Variants in TMTC2 observed in about 807,000 individuals in gnomAD.
The protein encoded by TMTC2 is protein O-mannosyl-transferase TMTC2.
In TMTC2, 43 loss-of-function variants were observed where a neutral mutation model predicts 82.4. The ratio of observed to expected loss-of-function variants is 0.52; its 90% confidence interval spans 0.41 to 0.67. The LOEUF is 0.67. Among genes scored for constraint, TMTC2 ranks in the 30% least tolerant of loss-of-function variants. TMTC2 has a pLI of 0.00. For synonymous variants in TMTC2, 408 were observed against 381.9 expected (o/e 1.07, Z -0.80); for missense variants, 919 against 1,012.4 (o/e 0.91, Z 1.25).
intron 7 of TMTC2, among the ~76,000 whole-genome samples, chr12:82,974,101 G>T (rs1878563224): frequency 6.6e-6 from 1 of 152,148 alleles, no homozygotes. Flanking sequence ...GGGCACAGTG[G>T]CTCATGCCTG....
intron 4 of TMTC2, among the ~76,000 whole-genome samples, chr12:82,940,014 C>CTTTTTTTTTTTTT (rs71309537): frequency 2.2e-5 from 2 of 91,264 alleles, no homozygotes; most frequent in Non-Finnish European, 4.3e-5. Context: ...TCTTTCTTTA[C>CTTTTTTTTTTTTT]TTTTTTTTTT....
chr12:82,822,996 A>T (rs1048567416), intron 1 of TMTC2, among the ~76,000 whole-genome samples: 3 of 152,202 alleles, frequency 2.0e-5, no homozygotes, highest in African/African-American at 7.2e-5. Context: ...GAGGGCATTT[A>T]AAAAAGCTTC....
chr12:82,913,107 ATAAAT>A (rs1415222958), intron 3 of TMTC2, among the ~76,000 whole-genome samples: 2 of 152,208 alleles, frequency 1.3e-5, no homozygotes, highest in Non-Finnish European at 2.9e-5. Flanking sequence ...AATCACAGTG[ATAAAT>A]TTAAAATTAC....
At chr12:82,724,428 T>TC (rs1205722911) in intron 1 of TMTC2, among the ~76,000 whole-genome samples, 1 of 152,104 alleles carries the variant, frequency 6.6e-6, no homozygotes, top group Non-Finnish European at 1.5e-5. Flanking sequence ...GGGGACTGTT[T>TC]CCCCCATGCT....
chr12:82,845,252 A>AATATATATATATATATATATATATAT, intron 1 of TMTC2, among the ~76,000 whole-genome samples: 1 of 38,808 alleles, frequency 2.6e-5, no homozygotes, highest in African/African-American at 1.0e-4. Flanking sequence ...AAAAAAAAAA[A>AATATATATATATATATATATATATAT]ATATATATAT....
chr12:83,080,696 A>G (rs1237529009), intron 11 of TMTC2, among the ~76,000 whole-genome samples: 2 of 152,196 alleles, frequency 1.3e-5, no homozygotes, highest in Non-Finnish European at 2.9e-5. Flanking sequence ...ACCATTATAA[A>G]TAAAACCCAG....
intron 8 of TMTC2, among the ~76,000 whole-genome samples, chr12:83,021,137 G>C (rs1228130704): frequency 6.6e-6 from 1 of 152,030 alleles, no homozygotes; most frequent in Non-Finnish European, 1.5e-5. Context: ...GTTTTTTGCT[G>C]TTGCTTTTCC....
intron 7 of TMTC2, among the ~76,000 whole-genome samples, chr12:82,984,944 T>G (rs566229487): frequency 6.6e-6 from 1 of 152,282 alleles, no homozygotes; most frequent in South Asian, 2.1e-4. Context: ...ACACTCATGT[T>G]GTATGTAGTG....
At chr12:82,696,027 C>T (rs186508308) in intron 1 of TMTC2, among the ~76,000 whole-genome samples, 162 of 152,284 alleles carry the variant, frequency 1.1e-3, no homozygotes, top group African/African-American at 3.9e-3. Context: ...AGTATATTTC[C>T]TTTAGAACAA....
chr12:83,051,653 A>G (rs1179601169), intron 10 of TMTC2, among the ~76,000 whole-genome samples: 1 of 152,290 alleles, frequency 6.6e-6, no homozygotes, highest in African/African-American at 2.4e-5. Flanking sequence ...ATACATTTTA[A>G]TGTTTAATAG....
At chr12:83,049,522 C>T (rs955645362) in intron 9 of TMTC2, among the ~76,000 whole-genome samples, 4 of 152,182 alleles carry the variant, frequency 2.6e-5, no homozygotes, top group African/African-American at 7.2e-5. Flanking sequence ...CATAGTATTC[C>T]ATGGTGTGTG....
rs565341279 is a variant in TMTC2 at position 83,134,451 on chromosome 12, G to A, written c.*2062G>A. ...CTTTCAAAGATGTGGTTCTTAATAG[G>A]TTCACTGAATGCACAGTTGAGGCAC... On this transcript the variant is annotated 3_prime_UTR_variant, in exon 12 of 12. Transcript: ENST00000321196. The A allele has an allele frequency of 1.4e-4, 21 of 152,082 alleles. No individual in the cohort carries two copies. The highest frequency in any genetic ancestry group is 2.2e-4 in the Non-Finnish European group (15 of 67,996). 9.4% of individuals were successfully genotyped at this position (152,082 alleles called of 1,614,324 possible).
chr12:83,085,824 T>C (rs956729833), intron 11 of TMTC2, among the ~76,000 whole-genome samples: 8 of 152,202 alleles, frequency 5.3e-5, no homozygotes, highest in African/African-American at 1.7e-4. Flanking sequence ...TTACAATAAA[T>C]GCTAATAAAT....
chr12:83,062,420 C>T (rs761597283), intron 11 of TMTC2, among the ~76,000 whole-genome samples: 3 of 151,834 alleles, frequency 2.0e-5, no homozygotes, highest in East Asian at 1.9e-4. Context: ...GGTTTTGCCT[C>T]GGTCTTCTAA....
chr12:82,945,159 T>A (rs529374801), intron 4 of TMTC2, among the ~76,000 whole-genome samples: 1 of 152,148 alleles, frequency 6.6e-6, no homozygotes, highest in African/African-American at 2.4e-5. Flanking sequence ...CAAAGCAGAA[T>A]TGGGGGAAAT....
At chr12:83,091,629 G>A (rs1883852169) in intron 11 of TMTC2, among the ~76,000 whole-genome samples, 1 of 152,100 alleles carries the variant, frequency 6.6e-6, no homozygotes, top group Admixed American at 6.5e-5. Context: ...TACTACTGTG[G>A]TAATAACAGG....
chr12:82,703,789 A>G (rs1159770180), intron 1 of TMTC2, among the ~76,000 whole-genome samples: 1 of 152,128 alleles, frequency 6.6e-6, no homozygotes, highest in Non-Finnish European at 1.5e-5. Context: ...GCCCGGCCAA[A>G]GATAGATAGT....
At chr12:83,096,868 A>G (rs1197768704) in intron 11 of TMTC2, among the ~76,000 whole-genome samples, 1 of 152,064 alleles carries the variant, frequency 6.6e-6, no homozygotes, top group East Asian at 1.9e-4. Flanking sequence ...GATCTCAACA[A>G]TTATTTTCTA....
At chr12:82,919,884 C>G (rs1275333939) in intron 3 of TMTC2, among the ~76,000 whole-genome samples, 1 of 152,228 alleles carries the variant, frequency 6.6e-6, no homozygotes, top group Admixed American at 6.5e-5. Context: ...TTTCCGCTCT[C>G]TCAGACTGGC....
Sources: gnomAD v4.1 joint callset for allele counts (sites outside exome capture counted in the v4.1 genomes callset) on GRCh38, gnomAD v4.1.1 for gene constraint, MANE v1.5 for transcripts, NCBI Gene and HGNC (gene_info 2026-07-23, HGNC 2026-07-21) for gene names.